CFAP46: variants seen among roughly 807,000 people sequenced by gnomAD.
CFAP46 encodes cilia- and flagella-associated protein 46.
Under a neutral mutation model 325.7 loss-of-function variants are expected in CFAP46, and 245 were observed. That is an observed-to-expected ratio of 0.75 (90% CI 0.68 to 0.84). The LOEUF (loss-of-function observed/expected upper bound fraction) is 0.84. CFAP46 is among the 40% of genes least tolerant of loss of function. The pLI is 0.00. For synonymous variants in CFAP46, 1,523 were observed against 1,495.9 expected (o/e 1.02, Z -0.42); for missense variants, 3,346 against 3,543.0 (o/e 0.94, Z 1.41).
At position 132,912,576 on chromosome 10, in the gene CFAP46, TCTC is replaced by T. The variant is rs1849566015; in HGVS notation, c.2499+76_2499+78del. The T allele has an allele frequency of 7.9e-6, 11 of 1,399,064 alleles. No homozygotes were observed. In the African/African-American group the frequency reaches 8.0e-5, roughly 10 times the overall value. 86.7% of individuals were successfully genotyped at this position (1,399,064 alleles called of 1,614,324 possible). ...CTCTTCACCTCTCTCCTCTTTCACC[TCTC>T]CTCTCCTCTCTCTCTCTCCTCTCTC... On this transcript the variant is annotated intron_variant, in intron 19 of 57. Transcript: ENST00000368586.
At chr10:132,822,508 GTGC>G (rs1376799840) in intron 50 of CFAP46, among the ~76,000 whole-genome samples, 1 of 128,666 alleles carries the variant, frequency 7.8e-6, no homozygotes, top group African/African-American at 3.1e-5. Context: ...TGTGTGCTGT[GTGC>G]TGATGTGTGC....
intron 33 of CFAP46, among the ~76,000 whole-genome samples, chr10:132,868,488 C>G (rs1336925302): frequency 6.6e-6 from 1 of 152,204 alleles, no homozygotes; most frequent in African/African-American, 2.4e-5. Flanking sequence ...ACTCACGGTA[C>G]TGAAAAATGC....
intron 35 of CFAP46, among the ~76,000 whole-genome samples, chr10:132,863,705 C>T: frequency 6.7e-6 from 1 of 150,044 alleles, no homozygotes; most frequent in East Asian, 2.0e-4. Flanking sequence ...CATCTGTCCC[C>T]CTGCCTGAGA....
At chr10:132,813,041 T>C (rs1847613789) in intron 54 of CFAP46, 144 bp from the exon 55 acceptor site, 2 of 632,542 alleles carry the variant, frequency 3.2e-6, no homozygotes, top group Non-Finnish European at 5.6e-6. Context: ...ATGTTCCTAA[T>C]GCCCACGCCT....
rs1591067014 is a variant in CFAP46, at chr10:132,877,199, G to A, written c.4213-238C>T. On this transcript the variant is annotated intron_variant, in intron 30 of 57. Coordinates refer to ENST00000368586, the MANE Select transcript of CFAP46 (RefSeq NM_001200049.3). The surrounding 1 kb of genome is among the most constrained non-coding windows in gnomAD (Gnocchi z 5.7). ...GTTGGCCTGGGGGTGCCCAGGCTCA[G>A]GACTCCCGAGAGCTAAGGCTCTGCA... is the stretch of plus-strand genomic sequence containing the variant. 2.0e-5 allele frequency among the ~76,000 whole-genome samples: 3 copies of A among 152,294 alleles called. No individual in the cohort carries two copies. The East Asian group carries it at 5.8e-4, about 30-fold the overall frequency.
rs1388990359 is a variant in CFAP46 at position 132,860,483 on chromosome 10, A to C, written c.5132T>G (p.Ile1711Ser). 1 of 1,551,194 alleles carries C rather than the reference A, an allele frequency of 6.4e-7. No homozygotes were observed. The highest frequency in any genetic ancestry group is 1.2e-5 in the South Asian group (1 of 84,046). ...TCGGTTTGGTCTTTCTTTCTTGAGG[A>C]TCTTGAAGGCATTGATGAGCTTCTG... ...IFQKLINAFK[I>S]LKKERPNRLP... Residue 1711 changes from isoleucine (I) to serine (S), a missense_variant, in exon 37 of 58, where the codon ATC becomes AGC. Physicochemically the swap from Ile to Ser is moderately radical, Grantham distance 142. Coordinates refer to ENST00000368586, the MANE Select transcript of CFAP46 (RefSeq NM_001200049.3).
At chr10:132,926,692 A>G (rs376759456) in intron 9 of CFAP46, 26 bp from the exon 10 acceptor site, 18 of 1,484,826 alleles carry the variant, frequency 1.2e-5, no homozygotes, top group African/African-American at 9.7e-5. Flanking sequence ...GTTTTTGAAA[A>G]GATGGAGATC....
chr10:132,908,117 G>A (rs1462286775), intron 22 of CFAP46, among the ~76,000 whole-genome samples: 2 of 152,240 alleles, frequency 1.3e-5, no homozygotes, highest in African/African-American at 4.8e-5. Flanking sequence ...GCTTTCCACG[G>A]GGCCACTGCT....
At chr10:132,914,042 C>CCAGCCA (rs1481140130) in intron 17 of CFAP46, among the ~76,000 whole-genome samples, 1 of 149,140 alleles carries the variant, frequency 6.7e-6, no homozygotes, top group Non-Finnish European at 1.5e-5. Flanking sequence ...GAGGCTGTGT[C>CCAGCCA]CAGCCACACT....
intron 50 of CFAP46, among the ~76,000 whole-genome samples, chr10:132,816,277 G>A (rs930949072): frequency 1.3e-5 from 2 of 149,238 alleles, no homozygotes; most frequent in Non-Finnish European, 3.0e-5. Context: ...TCTTCTGCAT[G>A]TTCTCCTCTG....
At chr10:132,915,985 T>C (rs1849631846) in intron 17 of CFAP46, among the ~76,000 whole-genome samples, 3 of 152,230 alleles carry the variant, frequency 2.0e-5, no homozygotes, top group Non-Finnish European at 4.4e-5. Context: ...TCATTGCTGG[T>C]ACAAGCACTC....
intron 10 of CFAP46, among the ~76,000 whole-genome samples, chr10:132,926,078 T>A (rs1221053774): frequency 6.6e-6 from 1 of 152,234 alleles, no homozygotes; most frequent in Non-Finnish European, 1.5e-5. Context: ...TGGCTGCTAT[T>A]CCAGAGCCTG....
intron 45 of CFAP46, 68 bp downstream of exon 45, chr10:132,836,749 T>A: frequency 1.5e-6 from 2 of 1,355,754 alleles, no homozygotes; most frequent in Non-Finnish European, 2.1e-6. Context: ...AGCCCACGGC[T>A]GGGTCTCTGC....
At chr10:132,879,781 G>A (rs1849011885) in intron 28 of CFAP46, 150 bp from the exon 29 acceptor site, 3 of 799,168 alleles carry the variant, frequency 3.8e-6, no homozygotes, top group South Asian at 2.1e-5. Flanking sequence ...GGCAGCCAGG[G>A]GAAGAGTCAC....
chr10:132,835,846 C>T (rs1040246966), intron 46 of CFAP46, among the ~76,000 whole-genome samples: 14 of 148,320 alleles, frequency 9.4e-5, no homozygotes, highest in African/African-American at 2.2e-4. Context: ...CTCCCGCCCC[C>T]GCTCCCCTCC....
Position 132,898,663 on chromosome 10 carries a change from G to A in CFAP46, c.3219+296C>T, listed in dbSNP as rs1160979622. On this transcript the variant is annotated intron_variant, in intron 24 of 57. Coordinates refer to ENST00000368586, the MANE Select transcript of CFAP46 (RefSeq NM_001200049.3). ...CCTGCCTAGAATCCAAGCCTCTTAAGGCAGGGACTGTGCTGGCCTCACTCT... is the reference window on the plus strand; with the variant it reads ...CCTGCCTAGAATCCAAGCCTCTTAAAGCAGGGACTGTGCTGGCCTCACTCT... 6.5e-6 allele frequency: 3 copies of A among 461,468 alleles called. No homozygotes were observed. The Admixed American group carries it at 1.0e-4, about 16-fold the overall frequency. 28.6% of individuals were successfully genotyped at this position (461,468 alleles called of 1,614,324 possible). A position where few individuals can be genotyped will look rare whatever the true frequency, so the allele number is the denominator to read the frequency against.
In CFAP46 at chr10:132,850,367, C is replaced by A. The variant is rs747215503; in HGVS notation, c.5829G>T (p.Pro1943=). 1.5e-5 allele frequency: 23 copies of A among 1,568,694 alleles called. No homozygotes were observed. Among genetic ancestry groups the A allele is most frequent in the Non-Finnish European group, 1.1e-5 (13 of 1,156,670 alleles). The part of the protein sequence containing the change: ...GALAQLGSLQ[P]LSVGCVEIRA... ...GGATCTCCACACAGCCCACGCTCAG[C>A]GGCTGCAGGCTCCCCAGCTGTGCCA... The change falls in exon 41 of 58, where the codon CCG becomes CCT. Residue 1943 remains proline, a synonymous_variant. Transcript: ENST00000368586.
intron 34 of CFAP46, 83 bp downstream of exon 34, chr10:132,867,292 G>A (rs1848828949): frequency 6.0e-6 from 9 of 1,490,692 alleles, no homozygotes; most frequent in Non-Finnish European, 8.0e-6. Context: ...CCGGCCGCCT[G>A]GCTCAGCTGC....
intron 10 of CFAP46, among the ~76,000 whole-genome samples, chr10:132,925,532 C>T (rs928314849): frequency 6.6e-6 from 1 of 152,278 alleles, no homozygotes; most frequent in African/African-American, 2.4e-5. Flanking sequence ...GCCGCACAAC[C>T]CACAGCGCCA....
Sources: gnomAD v4.1 joint callset for allele counts (sites outside exome capture counted in the v4.1 genomes callset) on GRCh38, gnomAD v4.1.1 for gene constraint, Gnocchi (gnomAD v3.1) non-coding constraint, MANE v1.5 for transcripts, NCBI Gene and HGNC (gene_info 2026-07-23, HGNC 2026-07-21) for gene names.